The following MGST2 variants were observed in gnomAD, a reference collection of about 807,000 sequenced individuals.
MGST2 encodes the protein glutathione peroxidase MGST2.
In MGST2, 9 loss-of-function variants were observed where a neutral mutation model predicts 16.6. The observed-to-expected ratio is 0.54, with a 90% confidence interval of 0.33 to 0.95. The LOEUF is 0.95. MGST2 is among the 40% of genes least tolerant of loss of function. MGST2 has a pLI of 0.03. For synonymous variants in MGST2, 79 were observed against 68.0 expected (o/e 1.16, Z -0.79); for missense variants, 159 against 175.1 (o/e 0.91, Z 0.52).
intron 5 of MGST2, among the ~76,000 whole-genome samples, chr4:139,737,656 T>C (rs1728998702): frequency 6.6e-6 from 1 of 152,162 alleles, no homozygotes; most frequent in Non-Finnish European, 1.5e-5. Context: ...CATTCAACCA[T>C]AAGTGGAAGG....
intron 5 of MGST2, among the ~76,000 whole-genome samples, chr4:139,709,276 G>C (rs1045460656): frequency 6.6e-6 from 1 of 151,714 alleles, no homozygotes; most frequent in Non-Finnish European, 1.5e-5. Context: ...GTAGAGACTG[G>C]GTTTCACCGT....
intron 3 of MGST2, among the ~76,000 whole-genome samples, chr4:139,701,159 C>G (rs924198): frequency 9.5e-4 from 145 of 152,316 alleles, no homozygotes; most frequent in Middle Eastern, 3.4e-3. Context: ...TTGGATTTCT[C>G]TGTGATAGGC....
chr4:139,750,832 C>A, the MGST2 span, among the ~76,000 whole-genome samples: 1 of 152,192 alleles, frequency 6.6e-6, no homozygotes, highest in Non-Finnish European at 1.5e-5. Flanking sequence ...CCACTCCCTA[C>A]CCCCTTTTAA....
intron 5 of MGST2, among the ~76,000 whole-genome samples, chr4:139,739,643 A>G (rs1729083627): frequency 6.7e-6 from 1 of 149,726 alleles, no homozygotes; most frequent in Non-Finnish European, 1.5e-5. Flanking sequence ...GAAAAAGCTT[A>G]CCATATATAG....
chr4:139,692,108 A>T (rs1245536447), intron 2 of MGST2, among the ~76,000 whole-genome samples: 1 of 152,172 alleles, frequency 6.6e-6, no homozygotes, highest in African/African-American at 2.4e-5. Context: ...TGAAAGTACA[A>T]TGAGCACAGC....
chr4:139,670,778 G>A (rs888073840), intron 1 of MGST2, among the ~76,000 whole-genome samples: 2 of 151,950 alleles, frequency 1.3e-5, no homozygotes, highest in African/African-American at 4.8e-5. Context: ...GCTGAGTGTT[G>A]TGGCACTCAC....
chr4:139,738,352 T>C (rs1311789453), intron 5 of MGST2, among the ~76,000 whole-genome samples: 2 of 152,254 alleles, frequency 1.3e-5, no homozygotes, highest in East Asian at 1.9e-4. Context: ...AAGACCAGCC[T>C]GGCCAACATG....
At chr4:139,681,948 CAGT>C (rs1390458508) in intron 2 of MGST2, among the ~76,000 whole-genome samples, 1 of 152,094 alleles carries the variant, frequency 6.6e-6, no homozygotes, top group Non-Finnish European at 1.5e-5. Context: ...CCCAGGGACT[CAGT>C]AGGCCCAGGC....
intron 5 of MGST2, chr4:139,719,638 G>C (rs1728147622): frequency 1.2e-6 from 2 of 1,612,494 alleles, no homozygotes; most frequent in Non-Finnish European, 1.7e-6. Flanking sequence ...GCTGCCCCGG[G>C]AGCGATGGCA....
At chr4:139,723,445 G>A (rs1438200666) in intron 5 of MGST2, among the ~76,000 whole-genome samples, 1 of 152,130 alleles carries the variant, frequency 6.6e-6, no homozygotes, top group Non-Finnish European at 1.5e-5. Context: ...GGAGTAGCTG[G>A]GATTACAGGC....
At chr4:139,742,810 T>C (rs1456870347), downstream of MGST2, among the ~76,000 whole-genome samples, 1 of 152,210 alleles carries the variant, frequency 6.6e-6, no homozygotes, top group East Asian at 1.9e-4. Context: ...GATGGGAAAC[T>C]TTTAGTGAGG....
At chr4:139,678,825 A>C in intron 2 of MGST2, 183 bp downstream of exon 2, 1 of 643,980 alleles carries the variant, frequency 1.6e-6, no homozygotes, top group East Asian at 2.7e-5. Context: ...CGGGGCATGA[A>C]GTCTCTGCCC....
At chr4:139,674,625 C>G (rs1482654225) in intron 1 of MGST2, among the ~76,000 whole-genome samples, 1 of 151,866 alleles carries the variant, frequency 6.6e-6, no homozygotes, top group Non-Finnish European at 1.5e-5. Context: ...GCTAAAAATA[C>G]AAAAAACTAG....
intron 2 of MGST2, among the ~76,000 whole-genome samples, chr4:139,693,345 T>C (rs909053501): frequency 2.1e-5 from 3 of 142,324 alleles, no homozygotes; most frequent in Admixed American, 7.6e-5. Context: ...GCGGAGCTTG[T>C]AGTGAGCCGA....
chr4:139,699,996 C>T (rs750438432), intron 3 of MGST2, among the ~76,000 whole-genome samples: 13 of 152,086 alleles, frequency 8.5e-5, no homozygotes, highest in African/African-American at 3.1e-4. Context: ...AGTGCCACTG[C>T]ACTCCAGCAT....
intron 5 of MGST2, chr4:139,730,817 C>A: frequency 1.4e-6 from 1 of 691,546 alleles, no homozygotes. Context: ...TTTCCATAAA[C>A]GTAGCTTCAA....
intron 3 of MGST2, among the ~76,000 whole-genome samples, chr4:139,699,389 G>T (rs1727113940): frequency 6.6e-6 from 1 of 152,120 alleles, no homozygotes; most frequent in South Asian, 2.1e-4. Context: ...TATCTATATA[G>T]TCTTTCTGCT....
At chr4:139,741,807 C>T (rs889954469), downstream of MGST2, among the ~76,000 whole-genome samples, 1 of 152,198 alleles carries the variant, frequency 6.6e-6, no homozygotes, top group Non-Finnish European at 1.5e-5. Flanking sequence ...AATTAACATT[C>T]TTTATATGTC....
In MGST2 at chr4:139,735,680, C is replaced by T. The variant is rs553591564; in HGVS notation, c.*49-4532C>T. ...AAATTTAGGGTTTTATTGAAAAAGT[C>T]CCCTGGGGCCTAATTTAGCCTCTCG... On this transcript the variant is annotated intron_variant, in intron 5 of 5. Coordinates refer to the MGST2 transcript ENST00000616265. The surrounding 1 kb of genome is among the most constrained non-coding windows in gnomAD (Gnocchi z 5.8). 1.8e-4 allele frequency among the ~76,000 whole-genome samples: 28 copies of T among 152,332 alleles called. No homozygotes were observed. The Middle Eastern group carries it at 0.017, about 93-fold the overall frequency.
Sources: gnomAD v4.1 joint callset for allele counts (sites outside exome capture counted in the v4.1 genomes callset) on GRCh38, gnomAD v4.1.1 for gene constraint, Gnocchi (gnomAD v3.1) non-coding constraint, MANE v1.5 for transcripts, NCBI Gene and HGNC (gene_info 2026-07-23, HGNC 2026-07-21) for gene names.